Variants in CALN1 observed in about 807,000 individuals in gnomAD.
CALN1 encodes calneuron 1.
A neutral mutation model predicts 30.6 loss-of-function variants in CALN1; 17 were observed. The observed-to-expected ratio is 0.56, with a 90% CI of 0.38 to 0.83. The LOEUF is 0.83. CALN1 is among the 40% of genes least tolerant of loss of function. The pLI is 0.00. For synonymous variants in CALN1, 156 were observed against 131.4 expected (o/e 1.19, Z -1.28); for missense variants, 291 against 354.9 (o/e 0.82, Z 1.45).
intron 6 of CALN1, among the ~76,000 whole-genome samples, chr7:71,797,067 C>G (rs1242007513): frequency 6.6e-6 from 1 of 152,206 alleles, no homozygotes; most frequent in Non-Finnish European, 1.5e-5. Flanking sequence ...GAGACTCTGC[C>G]ACTCATTAGC....
At chr7:72,275,114 C>G (rs1017985621) in intron 3 of CALN1, among the ~76,000 whole-genome samples, 5 of 151,960 alleles carry the variant, frequency 3.3e-5, no homozygotes, top group Admixed American at 2.6e-4. Flanking sequence ...AAGCAGAAGG[C>G]TGCAGTGGCT....
At chr7:71,903,920 T>C (rs1343689348) in intron 5 of CALN1, among the ~76,000 whole-genome samples, 2 of 152,112 alleles carry the variant, frequency 1.3e-5, no homozygotes, top group Non-Finnish European at 2.9e-5. Flanking sequence ...AAATAAGACA[T>C]ATGAATAGCC....
At chr7:72,482,357 T>C in the CALN1 span, among the ~76,000 whole-genome samples, 1 of 152,186 alleles carries the variant, frequency 6.6e-6, no homozygotes, top group Non-Finnish European at 1.5e-5. Context: ...CATTTCTGTT[T>C]AGTGTAGTTA....
intron 2 of CALN1, among the ~76,000 whole-genome samples, chr7:72,392,583 C>T (rs1472006425): frequency 6.6e-6 from 1 of 152,152 alleles, no homozygotes; most frequent in African/African-American, 2.4e-5. Context: ...AGTACTGTCT[C>T]ATACGGTCTG....
At chr7:72,269,443 G>A (rs1796828434) in intron 3 of CALN1, among the ~76,000 whole-genome samples, 1 of 151,908 alleles carries the variant, frequency 6.6e-6, no homozygotes, top group South Asian at 2.1e-4. Flanking sequence ...CCACCTATGA[G>A]TGAGAACATG....
At chr7:72,295,858 C>T (rs1481885676) in intron 2 of CALN1, among the ~76,000 whole-genome samples, 5 of 151,660 alleles carry the variant, frequency 3.3e-5, no homozygotes, top group African/African-American at 9.7e-5. Context: ...CCTTTATTTC[C>T]TTCTCCTGCC....
At chr7:72,197,619 C>T (rs1791125634) in intron 3 of CALN1, among the ~76,000 whole-genome samples, 1 of 152,010 alleles carries the variant, frequency 6.6e-6, no homozygotes, top group South Asian at 2.1e-4. Flanking sequence ...GGCTTGAAGC[C>T]AGGAGTTCAA....
rs752711628 is a variant in CALN1, at chr7:71,785,144, C to T, written c.*2631G>A. The T allele has an allele frequency of 5.8e-6, 2 of 345,828 alleles. No homozygotes were observed. The highest frequency in any genetic ancestry group is 5.2e-6 in the Non-Finnish European group (1 of 193,286). 21.4% of individuals were successfully genotyped at this position (345,828 alleles called of 1,614,324 possible). A position where few individuals can be genotyped will look rare whatever the true frequency, so the allele number is the denominator to read the frequency against. ...CCACAGTGGGAAGATAACTCCTAGGCTGTCAGAAAGAATTCTGTGTCTTCC... is the reference window on the plus strand; with the variant it reads ...CCACAGTGGGAAGATAACTCCTAGGTTGTCAGAAAGAATTCTGTGTCTTCC... On this transcript the variant is annotated 3_prime_UTR_variant, in exon 7 of 7. Coordinates refer to ENST00000395275, the MANE Select transcript of CALN1 (RefSeq NM_031468.4).
Position 71,875,457 on chromosome 7 carries a change from C to A in CALN1, c.502-64965G>T, listed in dbSNP as rs148173994. Among the ~76,000 whole-genome samples the A allele has an allele frequency of 3.9e-5, 6 of 152,288 alleles. No individual in the cohort carries two copies. The East Asian group carries it at 9.7e-4, about 25-fold the overall frequency. ...TTGGGAAAACATGGTAGAATGCCAACTTTTGATGGCACTGTGTGTGCTTAA... is the reference window on the plus strand; with the variant it reads ...TTGGGAAAACATGGTAGAATGCCAAATTTTGATGGCACTGTGTGTGCTTAA... On this transcript the variant is annotated intron_variant, in intron 5 of 6. Coordinates refer to ENST00000395275, the MANE Select transcript of CALN1 (RefSeq NM_031468.4).
the CALN1 span, among the ~76,000 whole-genome samples, chr7:72,503,958 A>G: frequency 2.0e-5 from 3 of 152,024 alleles, no homozygotes; most frequent in Non-Finnish European, 2.9e-5. Flanking sequence ...GACTGCCCCT[A>G]TTTTCAAGAG....
intron 2 of CALN1, among the ~76,000 whole-genome samples, chr7:72,377,226 A>G (rs58300612): frequency 6.6e-5 from 10 of 152,214 alleles, no homozygotes; most frequent in Non-Finnish European, 1.0e-4. Context: ...AAAGGCAGTT[A>G]GAATTTTGAC....
intron 3 of CALN1, among the ~76,000 whole-genome samples, chr7:72,151,958 G>T (rs1787286206): frequency 6.7e-6 from 1 of 149,308 alleles, no homozygotes; most frequent in Non-Finnish European, 1.5e-5. Context: ...GCCCAGGCTG[G>T]AGTGCAGTGG....
intron 2 of CALN1, among the ~76,000 whole-genome samples, chr7:72,387,186 AAGGAAGGG>A (rs1255982627): frequency 1.4e-4 from 19 of 135,920 alleles, no homozygotes; most frequent in African/African-American, 5.1e-4. Flanking sequence ...TGATCAAACT[AAGGAAGGG>A]AGGGAGGGAG....
At chr7:72,275,842 T>C (rs1797298720) in intron 3 of CALN1, among the ~76,000 whole-genome samples, 1 of 152,194 alleles carries the variant, frequency 6.6e-6, no homozygotes, top group South Asian at 2.1e-4. Flanking sequence ...TCCAGGAAAG[T>C]GGAGGGCATT....
intron 3 of CALN1, among the ~76,000 whole-genome samples, chr7:72,203,927 T>C (rs1791617578): frequency 6.6e-6 from 1 of 150,420 alleles, no homozygotes; most frequent in Non-Finnish European, 1.5e-5. Context: ...TTACCTTTCA[T>C]AATGTTCTTG....
intron 3 of CALN1, among the ~76,000 whole-genome samples, chr7:72,179,100 A>G (rs571511383): frequency 6.7e-6 from 1 of 149,024 alleles, no homozygotes; most frequent in South Asian, 2.1e-4. Flanking sequence ...AGTTGAACTC[A>G]TATCTCACAC....
In CALN1 at chr7:71,782,113, C is replaced by T. The variant is rs911339181; in HGVS notation, c.*5662G>A. The T allele has an allele frequency of 6.6e-6, 1 of 152,128 alleles. No individual in the cohort carries two copies. Among genetic ancestry groups the T allele is most frequent in the Non-Finnish European group, 1.5e-5 (1 of 68,034 alleles). 9.4% of individuals were successfully genotyped at this position (152,128 alleles called of 1,614,324 possible). On this transcript the variant is annotated 3_prime_UTR_variant, in exon 7 of 7. Coordinates refer to ENST00000395275, the MANE Select transcript of CALN1 (RefSeq NM_031468.4). ...CTTGTTGGTGTAATTGATCTCATTG[C>T]TCCAAACCAATCATAGAGGCTGGAT...
intron 4 of CALN1, among the ~76,000 whole-genome samples, chr7:72,090,800 T>A (rs748219760): frequency 6.6e-6 from 1 of 152,202 alleles, no homozygotes; most frequent in Non-Finnish European, 1.5e-5. Flanking sequence ...GAAGACACTA[T>A]GTTAAGTGAA....
At chr7:71,846,075 TCTC>T (rs1467680455) in intron 5 of CALN1, among the ~76,000 whole-genome samples, 1 of 151,700 alleles carries the variant, frequency 6.6e-6, no homozygotes, top group Non-Finnish European at 1.5e-5. Context: ...AGATTAACAC[TCTC>T]CTCCTGGATG....
Sources: allele counts gnomAD v4.1 joint callset (sites outside exome capture counted in the v4.1 genomes callset), GRCh38; gene constraint gnomAD v4.1.1; transcripts MANE v1.5; gene names NCBI Gene and HGNC (gene_info 2026-07-23, HGNC 2026-07-21).